PCDH9: variants seen among roughly 807,000 people sequenced by gnomAD.
PCDH9 encodes the protein protocadherin-9.
A neutral mutation model predicts 70.6 loss-of-function variants in PCDH9; 24 were observed. The ratio of observed to expected loss-of-function variants is 0.34; its 90% CI spans 0.25 to 0.48. The LOEUF is 0.48. PCDH9 is among the 20% of genes least tolerant of loss of function. The pLI, the probability that PCDH9 is intolerant of heterozygous loss-of-function variation, is 0.99. For missense variants in PCDH9, 1,281 were observed against 1,503.6 expected (o/e 0.85, Z 2.45); for synonymous variants, 562 against 558.5 (o/e 1.01, Z -0.09).
intron 2 of PCDH9, among the ~76,000 whole-genome samples, chr13:67,051,803 C>G (rs1195586074): frequency 1.3e-5 from 2 of 152,078 alleles, no homozygotes; most frequent in Non-Finnish European, 2.9e-5. Context: ...ATATATTAAG[C>G]TATCACATGA....
At chr13:66,765,478 T>C (rs1218836797) in intron 3 of PCDH9, among the ~76,000 whole-genome samples, 3 of 152,038 alleles carry the variant, frequency 2.0e-5, no homozygotes, top group Non-Finnish European at 2.9e-5. Context: ...GACTACCTCA[T>C]ACTAAAAGTT....
At chr13:66,917,712 G>C (rs1435395882) in intron 2 of PCDH9, among the ~76,000 whole-genome samples, 1 of 151,344 alleles carries the variant, frequency 6.6e-6, no homozygotes, top group Non-Finnish European at 1.5e-5. Context: ...AGAGATACAT[G>C]AATATTCCCT....
intron 4 of PCDH9, among the ~76,000 whole-genome samples, chr13:66,574,751 C>T (rs187139377): frequency 3.9e-5 from 6 of 152,310 alleles, no homozygotes; most frequent in African/African-American, 1.2e-4. Context: ...CAGTCATTCT[C>T]GCCCTTCAAC....
rs1021813084 is a variant in PCDH9, at chr13:66,409,803, TCAA to T, written c.3341-104778_3341-104776del. ...ACATCTGTGCTCCCATCTATGGCAT[TCAA>T]CAACATCAGTACCTAATACGTTAGC... On this transcript the variant is annotated intron_variant, in intron 4 of 4. Coordinates refer to ENST00000377865, the MANE Select transcript of PCDH9 (RefSeq NM_203487.3). Among the ~76,000 whole-genome samples, 34 of 152,332 alleles carry T rather than the reference TCAA, an allele frequency of 2.2e-4. 1 individual carries two copies. The highest frequency in any genetic ancestry group is 7.0e-4 in the African/African-American group (29 of 41,576).
rs138953414 is a variant in PCDH9 at position 66,661,543 on chromosome 13, T to C, written c.3139-30132A>G. 2.6e-5 allele frequency among the ~76,000 whole-genome samples: 4 copies of C among 152,338 alleles called. No homozygotes were observed. The East Asian group carries it at 7.7e-4, about 29-fold the overall frequency. ...CCCCTGAGGTATGCCCTTGTTTATCTGGATTATACCATGAAGTCATAGTTG... is the reference window on the plus strand; with the variant it reads ...CCCCTGAGGTATGCCCTTGTTTATCCGGATTATACCATGAAGTCATAGTTG... On this transcript the variant is annotated intron_variant, in intron 3 of 4. Coordinates refer to ENST00000377865, the MANE Select transcript of PCDH9 (RefSeq NM_203487.3).
At chr13:66,840,464 CAAG>C (rs76023635) in intron 3 of PCDH9, among the ~76,000 whole-genome samples, 44,493 of 151,948 alleles carry the variant, frequency 0.29, 7,287 homozygotes, top group Non-Finnish European at 0.37. Flanking sequence ...AATAATTTGA[CAAG>C]AGAATTATAC....
chr13:66,633,758 T>A (rs1404978214), intron 3 of PCDH9, among the ~76,000 whole-genome samples: 1 of 152,170 alleles, frequency 6.6e-6, no homozygotes, highest in African/African-American at 2.4e-5. Context: ...TTAAGAAGTA[T>A]ATATTTGAAA....
At chr13:66,614,420 T>C (rs2077331171) in intron 4 of PCDH9, among the ~76,000 whole-genome samples, 2 of 152,234 alleles carry the variant, frequency 1.3e-5, no homozygotes, top group African/African-American at 4.8e-5. Flanking sequence ...GGTACTAATC[T>C]GCTCTTTGGT....
At chr13:66,853,164 A>C (rs1337853483) in intron 3 of PCDH9, among the ~76,000 whole-genome samples, 1 of 150,628 alleles carries the variant, frequency 6.6e-6, no homozygotes, top group Non-Finnish European at 1.5e-5. Flanking sequence ...GGTGGTTATA[A>C]AAAAAGTTAG....
chr13:67,142,194 T>C (rs1354256033), intron 2 of PCDH9, among the ~76,000 whole-genome samples: 1 of 152,196 alleles, frequency 6.6e-6, no homozygotes, highest in African/African-American at 2.4e-5. Flanking sequence ...CCGTAAGTTT[T>C]TAAAAAATCA....
At chr13:67,219,861 T>A (rs541123859) in intron 2 of PCDH9, 1 of 152,154 alleles carries the variant, frequency 6.6e-6, no homozygotes, top group East Asian at 1.9e-4. Flanking sequence ...TAATAAAGAA[T>A]TATCTTCAAG....
At position 66,856,594 on chromosome 13, in the gene PCDH9, G is replaced by A. The variant is rs569155320; in HGVS notation, c.3138+46910C>T. ...CATTATCCTTCCTCTGAAAAATCAAGAGTCCCCATTAAAATTTTTTATAAG... is the reference window on the plus strand; with the variant it reads ...CATTATCCTTCCTCTGAAAAATCAAAAGTCCCCATTAAAATTTTTTATAAG... On this transcript the variant is annotated intron_variant, in intron 3 of 4. Coordinates refer to ENST00000377865, the MANE Select transcript of PCDH9 (RefSeq NM_203487.3). 1.4e-3 allele frequency among the ~76,000 whole-genome samples: 214 copies of A among 152,110 alleles called. 1 individual carries two copies. Among genetic ancestry groups the A allele is most frequent in the South Asian group, 4.8e-3 (23 of 4,822 alleles).
chr13:66,641,070 T>A (rs940438102), intron 3 of PCDH9, among the ~76,000 whole-genome samples: 2 of 152,152 alleles, frequency 1.3e-5, no homozygotes, highest in African/African-American at 4.8e-5. Context: ...AGATGGAGTT[T>A]CGCCATGTTG....
intron 4 of PCDH9, among the ~76,000 whole-genome samples, chr13:66,549,335 A>T (rs969459579): frequency 6.6e-6 from 1 of 152,046 alleles, no homozygotes; most frequent in African/African-American, 2.4e-5. Context: ...TTATGATGGT[A>T]GAATTGCTTT....
intron 3 of PCDH9, among the ~76,000 whole-genome samples, chr13:66,777,210 A>T (rs1382254354): frequency 2.0e-5 from 3 of 152,084 alleles, no homozygotes; most frequent in Non-Finnish European, 4.4e-5. Flanking sequence ...CATTCAGGAC[A>T]CAGGCATGGG....
intron 2 of PCDH9, among the ~76,000 whole-genome samples, chr13:66,945,159 T>A (rs1280143196): frequency 6.6e-6 from 1 of 151,850 alleles, no homozygotes; most frequent in Non-Finnish European, 1.5e-5. Flanking sequence ...TCAGGAAGAG[T>A]GTTGCTCTGA....
At chr13:67,014,746 C>G (rs2084524630) in intron 2 of PCDH9, among the ~76,000 whole-genome samples, 1 of 151,956 alleles carries the variant, frequency 6.6e-6, no homozygotes, top group African/African-American at 2.4e-5. Context: ...CCTACCCCTC[C>G]TATGATCTTA....
At position 66,355,391 on chromosome 13, in the gene PCDH9, T is replaced by C. The variant is rs577192532; in HGVS notation, c.3341-50363A>G. On this transcript the variant is annotated intron_variant, in intron 4 of 4. Transcript: ENST00000377865. Reference sequence around the variant, plus strand: ...CAAGGCAACCTCCTGCCTTTTTGTTTCAGTATTTATACTGAAAAAAGTGTC... The same window carrying C: ...CAAGGCAACCTCCTGCCTTTTTGTTCCAGTATTTATACTGAAAAAAGTGTC... Among the ~76,000 whole-genome samples the C allele has an allele frequency of 2.0e-5, 3 of 152,238 alleles. No homozygotes were observed. In the South Asian group the frequency reaches 6.2e-4, roughly 32 times the overall value.
rs548697295 is a variant in PCDH9, at chr13:67,159,069, T to C, written c.3036+66336A>G. Among the ~76,000 whole-genome samples, 5 of 152,282 alleles carry C rather than the reference T, an allele frequency of 3.3e-5. No homozygotes were observed. In the East Asian group the frequency reaches 9.7e-4, roughly 29 times the overall value. ...AAAGAACCATAAAAGGAGATGCTAT[T>C]ATGGCTCTCATTTTGAGTAAAGAAA... On this transcript the variant is annotated intron_variant, in intron 2 of 4. Transcript: ENST00000377865.
Sources: allele counts gnomAD v4.1 joint callset (sites outside exome capture counted in the v4.1 genomes callset), GRCh38; gene constraint gnomAD v4.1.1; transcripts MANE v1.5; gene names NCBI Gene and HGNC (gene_info 2026-07-23, HGNC 2026-07-21).